MYO5A: variants seen among roughly 807,000 people sequenced by gnomAD.
The protein encoded by MYO5A is myosin VA.
In MYO5A, 98 loss-of-function variants were observed where a neutral mutation model predicts 249.7. That is an observed-to-expected ratio of 0.39 (90% CI 0.33 to 0.46). The LOEUF is 0.46. MYO5A is among the 20% of genes least tolerant of loss of function. MYO5A has a pLI of 0.98. For missense variants in MYO5A, 1,696 were observed against 2,308.8 expected (o/e 0.73, Z 5.44); for synonymous variants, 778 against 810.6 (o/e 0.96, Z 0.68).
intron 39 of MYO5A, among the ~76,000 whole-genome samples, chr15:52,318,564 G>A (rs1452903970): frequency 6.6e-6 from 1 of 151,648 alleles, no homozygotes; most frequent in African/African-American, 2.4e-5. Flanking sequence ...TTAAAATATA[G>A]AGGGGGGATA....
chr15:52,351,408 T>A lies in MYO5A; in HGVS notation c.3695A>T (p.Lys1232Ile), dbSNP rs1422410973. Residue 1232 changes from lysine to isoleucine, a missense_variant, in exon 28 of 42, where the codon AAA becomes ATA. Around this residue, in one of 5 missense-constraint regions of MYO5A, gnomAD observed 625 missense variants for 908.1 expected, o/e 0.69. Coordinates refer to ENST00000399233, the MANE Select transcript of MYO5A (RefSeq NM_001382347.1). ...LNELRKALSE[K>I]SAPEVTAPGA... ...TGGGGCGGTCACCTCTGGGGCACTT[T>A]TCTCACTGAGGGCCTTGCGCAACTC... 6.2e-7 allele frequency: 1 copy of A among 1,614,062 alleles called. No homozygotes were observed. The highest frequency in any genetic ancestry group is 8.5e-7 in the Non-Finnish European group (1 of 1,180,034).
intron 24 of MYO5A, among the ~76,000 whole-genome samples, chr15:52,362,745 T>C (rs1048320761): frequency 3.9e-5 from 6 of 152,144 alleles, no homozygotes; most frequent in African/African-American, 1.4e-4. Flanking sequence ...CAGGCAGACT[T>C]GCTTAGCAGG....
chr15:52,327,784 G>C (rs2038680636), intron 36 of MYO5A, 68 bp downstream of exon 36: 1 of 1,448,690 alleles, frequency 6.9e-7, no homozygotes, highest in African/African-American at 1.4e-5. Flanking sequence ...AAGGAAGGAA[G>C]ATCAATCAGT....
At chr15:52,399,890 T>C (rs1001313188) in intron 9 of MYO5A, among the ~76,000 whole-genome samples, 1 of 152,188 alleles carries the variant, frequency 6.6e-6, no homozygotes, top group Non-Finnish European at 1.5e-5. Context: ...CTCCCACTTA[T>C]AAGTGAGAAT....
At chr15:52,459,629 C>G (rs2076196824) in intron 1 of MYO5A, among the ~76,000 whole-genome samples, 1 of 152,230 alleles carries the variant, frequency 6.6e-6, no homozygotes, top group Non-Finnish European at 1.5e-5. Context: ...TCCCCCTTTT[C>G]TATTCGACAA....
intron 2 of MYO5A, among the ~76,000 whole-genome samples, chr15:52,431,967 A>G (rs895295120): frequency 2.6e-5 from 4 of 152,306 alleles, no homozygotes; most frequent in Non-Finnish European, 2.9e-5. Flanking sequence ...AAAAAAAAAT[A>G]AAAAAGGATA....
chr15:52,317,009 G>T, intron 40 of MYO5A, 39 bp downstream of exon 40: 1 of 1,588,056 alleles, frequency 6.3e-7, no homozygotes, highest in Admixed American at 1.7e-5. Context: ...CATCTTTGAT[G>T]AATGTTAAAT....
rs1219700349 is a variant in MYO5A, at chr15:52,375,368, C to T, written c.2513G>A (p.Arg838Gln). The T allele has an allele frequency of 9.3e-6, 15 of 1,613,952 alleles. No homozygotes were observed. Among genetic ancestry groups the T allele is most frequent in the Admixed American group, 5.0e-5 (3 of 60,006 alleles). Reference sequence around the variant, plus strand: ...AGACTGAAGAACGATAGTGGCAGCTCGTCTAATCTTGTACCTCCTGCGGAC... The same window carrying T: ...AGACTGAAGAACGATAGTGGCAGCTTGTCTAATCTTGTACCTCCTGCGGAC... ...YVVRRRYKIR[R>Q]AATIVLQSYL... Residue 838 changes from arginine to glutamine, a missense_variant, in exon 20 of 42, where the codon CGA becomes CAA. By Grantham distance (43) the Arg-to-Gln change is conservative (BLOSUM62 1). This residue lies in a region of MYO5A where 412 missense variants were observed against 453.3 expected (regional missense o/e 0.91). Transcript: ENST00000399233.
chr15:52,496,777 T>C (rs2077045816), intron 1 of MYO5A, among the ~76,000 whole-genome samples: 1 of 152,200 alleles, frequency 6.6e-6, no homozygotes, highest in Non-Finnish European at 1.5e-5. Flanking sequence ...TTCTATTCAA[T>C]ATACACTTTG....
intron 36 of MYO5A, among the ~76,000 whole-genome samples, chr15:52,326,769 A>G (rs1276873776): frequency 1.3e-5 from 2 of 152,198 alleles, no homozygotes; most frequent in Admixed American, 1.3e-4. Flanking sequence ...TTAGATTTGA[A>G]AGAGTCCACT....
chr15:52,379,924 A>G lies in MYO5A; in HGVS notation c.2013-16T>C, dbSNP rs1438418238. 1 of 1,613,738 alleles carries G rather than the reference A, an allele frequency of 6.2e-7. No homozygotes were observed. Among genetic ancestry groups the G allele is most frequent in the Non-Finnish European group, 8.5e-7 (1 of 1,179,756 alleles). ...CTCATCAAACCTACAAATAAAAATC[A>G]AAGCTGTTAGTCCACAAAGAACCTG... On this transcript the variant is annotated splice_polypyrimidine_tract_variant and intron_variant, in intron 16 of 41. Coordinates refer to ENST00000399233, the MANE Select transcript of MYO5A (RefSeq NM_001382347.1).
intron 40 of MYO5A, among the ~76,000 whole-genome samples, chr15:52,316,480 C>A (rs1453587179): frequency 1.3e-5 from 2 of 152,164 alleles, no homozygotes; most frequent in Non-Finnish European, 2.9e-5. Flanking sequence ...TTGCTAGAAC[C>A]TCTACGGTAG....
Position 52,351,997 on chromosome 15 carries a change from T to A in MYO5A, c.3622-516A>T, listed in dbSNP as rs141342852. Among the ~76,000 whole-genome samples the A allele has an allele frequency of 5.9e-3, 900 of 152,298 alleles. 10 individuals carry two copies. Among genetic ancestry groups the A allele is most frequent in the African/African-American group, 0.021 (861 of 41,558 alleles). On this transcript the variant is annotated intron_variant, in intron 27 of 41. Transcript: ENST00000399233. ...AACTTCTAATTTAAAAAGTTTACCA[T>A]CTCATTCAAACTGGTAAAACTCCCT... is the stretch of plus-strand genomic sequence containing the variant.
At chr15:52,334,142 A>C (rs2039012183) in intron 34 of MYO5A, among the ~76,000 whole-genome samples, 2 of 152,238 alleles carry the variant, frequency 1.3e-5, no homozygotes, top group Non-Finnish European at 2.9e-5. Context: ...ACAATGGCTT[A>C]AGATTAGTAA....
At position 52,317,003 on chromosome 15, in the gene MYO5A, T is replaced by TCA; in HGVS notation, c.5409+44_5409+45insTG. ...CTTCTTTACTTCCCTAAAGATCATC[T>TCA]TTGATGAATGTTAAATTATTTTGTA... On this transcript the variant is annotated intron_variant, in intron 40 of 41. Coordinates refer to ENST00000399233, the MANE Select transcript of MYO5A (RefSeq NM_001382347.1). 3 of 1,582,106 alleles carry TCA rather than the reference T, an allele frequency of 1.9e-6. No individual in the cohort carries two copies. The South Asian group carries it at 3.3e-5, about 17-fold the overall frequency.
In MYO5A at chr15:52,313,816, C is replaced by G. The variant is rs370947331; in HGVS notation, c.5523G>C (p.Gln1841His). 1.2e-5 allele frequency: 20 copies of G among 1,613,892 alleles called. No homozygotes were observed. Among genetic ancestry groups the G allele is most frequent in the Non-Finnish European group, 1.6e-5 (19 of 1,179,978 alleles). ...AGATGTGTTTAGCATCCATGAGCAG[C>G]TGGGGAGAGTCTTTCCTGTCTCGTA... is the stretch of plus-strand genomic sequence containing the variant. ...MRLRDRKDSP[Q>H]LLMDAKHIFP... The change falls in exon 42 of 42, where the codon CAG becomes CAC. Residue 1841 changes from glutamine (Q) to histidine (H), a missense_variant. By Grantham distance (24) the Gln-to-His change is conservative (BLOSUM62 0). Transcript: ENST00000399233.
At chr15:52,322,521 C>T (rs537340189) in intron 37 of MYO5A, among the ~76,000 whole-genome samples, 2 of 152,332 alleles carry the variant, frequency 1.3e-5, no homozygotes, top group Non-Finnish European at 1.5e-5. Context: ...TTGGCTTCCT[C>T]ATCTGTAAAA....
intron 1 of MYO5A, among the ~76,000 whole-genome samples, chr15:52,504,510 C>T (rs1331077705): frequency 6.6e-6 from 1 of 152,188 alleles, no homozygotes; most frequent in Non-Finnish European, 1.5e-5. Flanking sequence ...GCCTAAATAA[C>T]ACCATATAGA....
chr15:52,440,283 T>C (rs2075759546), intron 1 of MYO5A, among the ~76,000 whole-genome samples: 1 of 151,846 alleles, frequency 6.6e-6, no homozygotes, highest in Non-Finnish European at 1.5e-5. Flanking sequence ...TTTTTTTTTT[T>C]CTGAGATGGA....
Sources: allele counts gnomAD v4.1 joint callset (sites outside exome capture counted in the v4.1 genomes callset), GRCh38; gene constraint gnomAD v4.1.1; regional missense constraint gnomAD v4.1.1; transcripts MANE v1.5; gene names NCBI Gene and HGNC (gene_info 2026-07-23, HGNC 2026-07-21).